The following WASF3 variants were observed in gnomAD, a reference collection of about 807,000 sequenced individuals.
The protein encoded by WASF3 is WASP family member 3.
WASF3 carries 11 observed loss-of-function variants against 46.6 expected under a neutral mutation model. The observed-to-expected ratio is 0.24, with a 90% CI of 0.15 to 0.39. WASF3 has a LOEUF of 0.39. Among genes scored for constraint, WASF3 ranks in the 10% least tolerant of loss-of-function variants. The pLI is 1.00. For synonymous variants in WASF3, 242 were observed against 259.7 expected, an observed-to-expected ratio of 0.93 and a Z score of 0.65; for missense variants, 576 against 669.8, an observed-to-expected ratio of 0.86 and a Z score of 1.55.
At chr13:26,647,926 G>GTT (rs1223125436) in intron 3 of WASF3, among the ~76,000 whole-genome samples, 1 of 151,936 alleles carries the variant, frequency 6.6e-6, no homozygotes, top group Non-Finnish European at 1.5e-5. Context: ...TGTACATATG[G>GTT]TTTTATAGCC....
At chr13:26,580,158 G>T (rs1403992192) in intron 1 of WASF3, among the ~76,000 whole-genome samples, 1 of 151,980 alleles carries the variant, frequency 6.6e-6, no homozygotes, top group Non-Finnish European at 1.5e-5. Flanking sequence ...AAAATTAGAG[G>T]TGCCTGCATT....
chr13:26,606,125 T>C (rs1390096975), intron 1 of WASF3, among the ~76,000 whole-genome samples: 2 of 152,104 alleles, frequency 1.3e-5, no homozygotes, highest in East Asian at 1.9e-4. Context: ...GGTAGACGGC[T>C]CTTCCCATGG....
intron 2 of WASF3, among the ~76,000 whole-genome samples, chr13:26,625,498 A>G (rs1225089266): frequency 3.3e-5 from 5 of 152,182 alleles, no homozygotes; most frequent in African/African-American, 9.7e-5. Context: ...AGGAGCTCCA[A>G]TGTCTGAGGG....
intron 1 of WASF3, among the ~76,000 whole-genome samples, chr13:26,580,942 T>TTC (rs1269640077): frequency 6.6e-6 from 1 of 150,800 alleles, no homozygotes; most frequent in African/African-American, 2.4e-5. Context: ...CTTTTTTTTT[T>TTC]TTTTTTAAGG....
At chr13:26,684,973 A>G (rs1176994372) in intron 9 of WASF3, among the ~76,000 whole-genome samples, 1 of 152,006 alleles carries the variant, frequency 6.6e-6, no homozygotes, top group Non-Finnish European at 1.5e-5. Flanking sequence ...CGGTGGTTCC[A>G]GCTACTCAGG....
intron 1 of WASF3, among the ~76,000 whole-genome samples, chr13:26,605,422 CA>C (rs1456650176): frequency 6.6e-6 from 1 of 152,148 alleles, no homozygotes; most frequent in East Asian, 1.9e-4. Context: ...GTGGTGATCA[CA>C]GAGGCAACTC....
intron 1 of WASF3, among the ~76,000 whole-genome samples, chr13:26,568,249 C>T (rs1555247099): frequency 2.0e-5 from 3 of 152,140 alleles, no homozygotes; most frequent in Admixed American, 2.0e-4. Flanking sequence ...AGAGGATAGA[C>T]AGGGGACAAA....
chr13:26,584,660 T>G (rs1880078251), intron 1 of WASF3, among the ~76,000 whole-genome samples: 1 of 152,228 alleles, frequency 6.6e-6, no homozygotes, highest in Admixed American at 6.5e-5. Context: ...TAAGTTAAAA[T>G]AAGGAATTTG....
intron 1 of WASF3, among the ~76,000 whole-genome samples, chr13:26,568,337 G>A (rs1002716498): frequency 2.5e-4 from 38 of 152,128 alleles, no homozygotes; most frequent in African/African-American, 9.2e-4. Context: ...TGAATCAGTG[G>A]TTCCTGCCTT....
chr13:26,654,347 A>G (rs1007202142), intron 3 of WASF3, among the ~76,000 whole-genome samples: 1 of 152,226 alleles, frequency 6.6e-6, no homozygotes, highest in African/African-American at 2.4e-5. Flanking sequence ...CCATCCTATC[A>G]GAGAGGGCTT....
intron 2 of WASF3, among the ~76,000 whole-genome samples, chr13:26,624,585 G>A (rs1881408323): frequency 6.6e-6 from 1 of 151,356 alleles, no homozygotes; most frequent in Non-Finnish European, 1.5e-5. Flanking sequence ...ATGAAAGACA[G>A]GAAACAACTA....
rs115663565 is a variant in WASF3, at chr13:26,665,304, A to G, written c.268+142A>G. 1.8e-3 allele frequency: 1,774 copies of G among 998,730 alleles called. 20 individuals are homozygous for G. In the African/African-American group the frequency reaches 0.023, roughly 13 times the overall value. The allele number at this position is 998,730 out of a possible 1,614,324, so 61.9% of individuals were successfully genotyped here. ...TTTCCTAGAAGAATAGCGAGGGGGA[A>G]AAACCTACAACTTTGTGTTAATTCA... On this transcript the variant is annotated intron_variant, in intron 4 of 9. Coordinates refer to ENST00000335327, the MANE Select transcript of WASF3 (RefSeq NM_006646.6).
At chr13:26,550,634 G>C in the WASF3 span, among the ~76,000 whole-genome samples, 1 of 152,144 alleles carries the variant, frequency 6.6e-6, no homozygotes, top group South Asian at 2.1e-4. Context: ...TTCCTCCCAA[G>C]GTTCTGGGGT....
rs569155577 is a variant in WASF3 at position 26,608,515 on chromosome 13, G to A, written c.-108-4446G>A. 1.6e-3 allele frequency among the ~76,000 whole-genome samples: 247 copies of A among 152,210 alleles called. 1 individual carries two copies. Among genetic ancestry groups the A allele is most frequent in the African/African-American group, 5.6e-3 (232 of 41,534 alleles). On this transcript the variant is annotated intron_variant, in intron 1 of 9. Coordinates refer to ENST00000335327, the MANE Select transcript of WASF3 (RefSeq NM_006646.6). ...TGCTACTTGTTTTGTATTTATTTAT[G>A]TTTGTTTACTCTTCCCCACCAGATA... is the stretch of plus-strand genomic sequence containing the variant.
At chr13:26,658,442 A>T (rs1182425210) in intron 3 of WASF3, among the ~76,000 whole-genome samples, 1 of 152,216 alleles carries the variant, frequency 6.6e-6, no homozygotes, top group Non-Finnish European at 1.5e-5. Flanking sequence ...AGATGTTATT[A>T]GGCGTTTCCA....
At chr13:26,640,162 C>G (rs1249542370) in intron 2 of WASF3, among the ~76,000 whole-genome samples, 2 of 152,014 alleles carry the variant, frequency 1.3e-5, no homozygotes, top group African/African-American at 4.8e-5. Context: ...AGCTGTCCAC[C>G]CCCATGATCC....
chr13:26,539,989 G>A, the WASF3 span, among the ~76,000 whole-genome samples: 2 of 152,134 alleles, frequency 1.3e-5, no homozygotes, highest in African/African-American at 4.8e-5. Flanking sequence ...AGTGTCTGGG[G>A]GGTGTGAGAG....
chr13:26,642,370 C>T lies in WASF3; in HGVS notation c.100C>T (p.Leu34Phe). The change falls in exon 3 of 10, where the codon CTT (leucine) becomes TTT (phenylalanine). Residue 34 changes from leucine to phenylalanine, a missense_variant. Physicochemically the swap from Leu to Phe is conservative, Grantham distance 22. This residue lies in a region of WASF3 where 213 missense variants were observed against 278.0 expected (regional missense o/e 0.77). Coordinates refer to ENST00000335327, the MANE Select transcript of WASF3 (RefSeq NM_006646.6). ...SELECVTNST[L>F]AAIIRQLSSL... ...ACTTGAATGTGTAACCAATAGTACT[C>T]TTGCCGCTATCATACGCCAGCTGAG... 6.2e-7 allele frequency: 1 copy of T among 1,609,398 alleles called. No homozygotes were observed.
At chr13:26,627,104 A>G (rs1881489781) in intron 2 of WASF3, among the ~76,000 whole-genome samples, 1 of 152,204 alleles carries the variant, frequency 6.6e-6, no homozygotes, top group Non-Finnish European at 1.5e-5. Context: ...GGAGAAGTTC[A>G]GTGCCAGTAT....
Sources: allele counts gnomAD v4.1 joint callset (sites outside exome capture counted in the v4.1 genomes callset), GRCh38; gene constraint gnomAD v4.1.1; regional missense constraint gnomAD v4.1.1; transcripts MANE v1.5; gene names NCBI Gene and HGNC (gene_info 2026-07-23, HGNC 2026-07-21).